Variants in ASAP1 observed in about 807,000 individuals in gnomAD.
The protein encoded by ASAP1 is arf-GAP with SH3 domain, ANK repeat and PH domain-containing protein 1.
ASAP1 carries 43 observed loss-of-function variants against 145.2 expected under a neutral mutation model. That is an observed-to-expected ratio of 0.30 (90% CI 0.23 to 0.38). The LOEUF (loss-of-function observed/expected upper bound fraction) is 0.38, where lower values mean the gene tolerates loss of function less well. ASAP1 is among the 10% of genes least tolerant of loss of function. ASAP1 has a pLI of 1.00. For synonymous variants in ASAP1, 546 were observed against 515.5 expected, an observed-to-expected ratio of 1.06 and a Z score of -0.80; for missense variants, 1,018 against 1,355.3, an observed-to-expected ratio of 0.75 and a Z score of 3.91.
chr8:130,195,846 T>A (rs1311149183), intron 5 of ASAP1, among the ~76,000 whole-genome samples: 2 of 152,254 alleles, frequency 1.3e-5, no homozygotes, highest in African/African-American at 4.8e-5. Context: ...GATGACTTCA[T>A]AAACAGTTTT....
chr8:130,132,070 G>C (rs949957460), intron 15 of ASAP1, among the ~76,000 whole-genome samples: 1 of 152,222 alleles, frequency 6.6e-6, no homozygotes, highest in Non-Finnish European at 1.5e-5. Context: ...ATGAGGAAGA[G>C]AGAATGAAAT....
chr8:130,215,388 A>T (rs1395938609), intron 4 of ASAP1, among the ~76,000 whole-genome samples: 2 of 152,076 alleles, frequency 1.3e-5, no homozygotes, highest in Non-Finnish European at 2.9e-5. Flanking sequence ...GCTTGAGCCC[A>T]GGAGTTCAAG....
At chr8:130,115,846 G>A in intron 22 of ASAP1, 111 bp from the exon 23 acceptor site, 1 of 795,522 alleles carries the variant, frequency 1.3e-6, no homozygotes, top group South Asian at 1.6e-5. Flanking sequence ...TGAATCATCT[G>A]TAGGTGTACT....
At chr8:130,239,952 T>C (rs1054507459) in intron 3 of ASAP1, among the ~76,000 whole-genome samples, 1 of 152,112 alleles carries the variant, frequency 6.6e-6, no homozygotes, top group East Asian at 1.9e-4. Context: ...TTCTTAATTA[T>C]TTTCAAGAAA....
Position 130,312,412 on chromosome 8 carries a change from C to G in ASAP1, c.186+45605G>C, listed in dbSNP as rs368855476. Among the ~76,000 whole-genome samples the G allele has an allele frequency of 1.6e-4, 24 of 151,960 alleles. No individual in the cohort carries two copies. In the East Asian group the frequency reaches 1.7e-3, roughly 11 times the overall value. On this transcript the variant is annotated intron_variant, in intron 3 of 29. Coordinates refer to ENST00000518721, the MANE Select transcript of ASAP1 (RefSeq NM_018482.4). ...AACACAAACCAGACGAGAGCTAAAT[C>G]TAACACACTTAAGCAAAATACAATA...
At chr8:130,216,714 T>A (rs1008631755) in intron 4 of ASAP1, among the ~76,000 whole-genome samples, 1 of 152,084 alleles carries the variant, frequency 6.6e-6, no homozygotes, top group African/African-American at 2.4e-5. Context: ...TAAATTGATA[T>A]CCCCAGCCCA....
chr8:130,271,621 T>C (rs1007440014), intron 3 of ASAP1, among the ~76,000 whole-genome samples: 1 of 152,200 alleles, frequency 6.6e-6, no homozygotes, highest in Non-Finnish European at 1.5e-5. Flanking sequence ...TTGCATCTTT[T>C]AGGAGTATGA....
At chr8:130,192,651 C>T (rs146645496) in intron 5 of ASAP1, among the ~76,000 whole-genome samples, 196 of 152,274 alleles carry the variant, frequency 1.3e-3, no homozygotes, top group African/African-American at 4.6e-3. Context: ...CCTCTGTTCA[C>T]GGAGATCCTT....
At chr8:130,189,426 C>T (rs1814980108) in intron 5 of ASAP1, among the ~76,000 whole-genome samples, 1 of 152,098 alleles carries the variant, frequency 6.6e-6, no homozygotes, top group South Asian at 2.1e-4. Flanking sequence ...ACTTATCTTT[C>T]TGTACTTGGC....
chr8:130,338,322 G>T (rs557120539), intron 3 of ASAP1, among the ~76,000 whole-genome samples: 1 of 152,304 alleles, frequency 6.6e-6, no homozygotes, highest in East Asian at 1.9e-4. Context: ...TGGTCATGAG[G>T]TTTACATCAG....
intron 3 of ASAP1, among the ~76,000 whole-genome samples, chr8:130,303,928 AC>A (rs1822830141): frequency 6.6e-6 from 1 of 152,152 alleles, no homozygotes; most frequent in African/African-American, 2.4e-5. Context: ...TTAGTGTGGC[AC>A]CCTTGTCATG....
chr8:130,346,783 A>G (rs925901231), intron 3 of ASAP1, among the ~76,000 whole-genome samples: 2 of 152,220 alleles, frequency 1.3e-5, no homozygotes, highest in Non-Finnish European at 2.9e-5. Context: ...ACTATTATTA[A>G]AGCAGCAGCA....
intron 4 of ASAP1, among the ~76,000 whole-genome samples, chr8:130,227,737 T>C (rs1479931986): frequency 1.3e-5 from 2 of 151,740 alleles, no homozygotes; most frequent in African/African-American, 2.4e-5. Context: ...CTGATCTCAA[T>C]GTCAGGGGTT....
chr8:130,191,719 T>A (rs1264693460), intron 5 of ASAP1, among the ~76,000 whole-genome samples: 1 of 152,252 alleles, frequency 6.6e-6, no homozygotes, highest in African/African-American at 2.4e-5. Context: ...GCAGCTGTTG[T>A]GAGGATGGAA....
intron 3 of ASAP1, among the ~76,000 whole-genome samples, chr8:130,290,119 A>T (rs903806340): frequency 4.6e-5 from 7 of 152,168 alleles, no homozygotes; most frequent in African/African-American, 1.7e-4. Context: ...TAGCAACATA[A>T]AAGGGTGGTC....
chr8:130,131,693 G>A (rs901826522), intron 15 of ASAP1, among the ~76,000 whole-genome samples: 1 of 151,754 alleles, frequency 6.6e-6, no homozygotes, highest in African/African-American at 2.4e-5. Flanking sequence ...GCAAGGCTGC[G>A]ACAGGAGGAT....
chr8:130,365,661 A>G (rs1826916225), intron 2 of ASAP1, among the ~76,000 whole-genome samples: 1 of 152,142 alleles, frequency 6.6e-6, no homozygotes, highest in Admixed American at 6.5e-5. Flanking sequence ...GCCCTTTTCA[A>G]TGGTATCATT....
At chr8:130,137,454 C>A (rs2097597639) in intron 13 of ASAP1, among the ~76,000 whole-genome samples, 1 of 152,194 alleles carries the variant, frequency 6.6e-6, no homozygotes, top group Non-Finnish European at 1.5e-5. Flanking sequence ...CTGGAACCTA[C>A]CCATAACTAA....
chr8:130,203,837 A>G (rs548656070), intron 5 of ASAP1, among the ~76,000 whole-genome samples: 2 of 152,390 alleles, frequency 1.3e-5, no homozygotes, highest in South Asian at 2.1e-4. Flanking sequence ...AAGATCATGC[A>G]GACAGAAGGC....
Sources: gnomAD v4.1 joint callset for allele counts (sites outside exome capture counted in the v4.1 genomes callset) on GRCh38, gnomAD v4.1.1 for gene constraint, MANE v1.5 for transcripts, NCBI Gene and HGNC (gene_info 2026-07-23, HGNC 2026-07-21) for gene names.